Variants in CARM1 observed in about 807,000 individuals in gnomAD.
The protein encoded by CARM1 is histone-arginine methyltransferase CARM1.
A neutral mutation model predicts 72.7 loss-of-function variants in CARM1; 14 were observed. The observed-to-expected ratio is 0.19, with a 90% CI of 0.13 to 0.30. The LOEUF (loss-of-function observed/expected upper bound fraction) is 0.30. CARM1 is among the 10% of genes least tolerant of loss of function. The pLI, the probability that CARM1 is intolerant of heterozygous loss-of-function variation, is 1.00. For synonymous variants in CARM1, 333 were observed against 345.5 expected (o/e 0.96, Z 0.40); for missense variants, 432 against 833.7 (o/e 0.52, Z 5.93).
intron 4 of CARM1, among the ~76,000 whole-genome samples, chr19:10,911,366 C>T (rs149793536): frequency 6.6e-6 from 1 of 152,286 alleles, no homozygotes; most frequent in Non-Finnish European, 1.5e-5. Flanking sequence ...GTTGTCTTGA[C>T]ACAAGAGTGT....
At position 10,921,821 on chromosome 19, in the gene CARM1, C is replaced by T. The variant is rs185991937; in HGVS notation, c.*64C>T. On this transcript the variant is annotated 3_prime_UTR_variant, in exon 16 of 16. Coordinates refer to ENST00000327064, the MANE Select transcript of CARM1 (RefSeq NM_199141.2). Reference sequence around the variant, plus strand: ...TGATGTCCCTGCCCGCCGCCCCCGCCGGGCGGCTTTCCCCCTTGTACTGGA... The same window carrying T: ...TGATGTCCCTGCCCGCCGCCCCCGCTGGGCGGCTTTCCCCCTTGTACTGGA... 62 of 1,499,950 alleles carry T rather than the reference C, an allele frequency of 4.1e-5. No individual in the cohort carries two copies. The highest frequency in any genetic ancestry group is 2.4e-4 in the African/African-American group (17 of 71,778). 92.9% of individuals were successfully genotyped at this position (1,499,950 alleles called of 1,614,324 possible).
rs895108928 is a variant in CARM1, at chr19:10,916,076, C to T, written c.848-331C>T. On this transcript the variant is annotated intron_variant, in intron 6 of 15. Transcript: ENST00000327064. This position sits in a 1 kb window ranked among gnomAD's most constrained non-coding sequence, Gnocchi z 4.4. ...ACAGACGGCAGGGCCTGAGAGGCAG[C>T]GCCTGGCCACATCCCGGGCACTGCC... Among the ~76,000 whole-genome samples, 1 of 152,234 alleles carries T rather than the reference C, an allele frequency of 6.6e-6. No individual in the cohort carries two copies. Among genetic ancestry groups the T allele is most frequent in the Non-Finnish European group, 1.5e-5 (1 of 68,044 alleles).
Position 10,912,792 on chromosome 19 carries a change from G to A in CARM1, c.669+498G>A, listed in dbSNP as rs1009080612. 6.6e-6 allele frequency among the ~76,000 whole-genome samples: 1 copy of A among 152,060 alleles called. No homozygotes were observed. The highest frequency in any genetic ancestry group is 6.6e-5 in the Admixed American group (1 of 15,242). ...GCCATCTTTGTTCTGTCTTGCCGCC[G>A]CAGAGCACCCCTGTGCCCAGCCGTG... On this transcript the variant is annotated intron_variant, in intron 5 of 15. Transcript: ENST00000327064. The surrounding 1 kb of genome is among the most constrained non-coding windows in gnomAD (Gnocchi z 4.5).
chr19:10,904,375 G>A (rs1374765467), intron 1 of CARM1, among the ~76,000 whole-genome samples: 1 of 152,236 alleles, frequency 6.6e-6, no homozygotes. Flanking sequence ...CAGGTTTGTG[G>A]AATGAATGAC....
At chr19:10,906,675 G>C (rs10420665) in intron 2 of CARM1, among the ~76,000 whole-genome samples, 16 of 152,182 alleles carry the variant, frequency 1.1e-4, no homozygotes, top group African/African-American at 3.9e-4. Context: ...ATGTTGGCCA[G>C]GCTGGTCTTG....
At chr19:10,873,092 A>AGG (rs2073832812) in intron 1 of CARM1, among the ~76,000 whole-genome samples, 1 of 152,080 alleles carries the variant, frequency 6.6e-6, no homozygotes, top group Non-Finnish European at 1.5e-5. Flanking sequence ...TGAGAGGGGA[A>AGG]GGAGGGTATT....
chr19:10,871,583 A>AGCGGCAGCG lies in CARM1; in HGVS notation c.-114_-106dup, dbSNP rs1179442063. 1 of 76,394 alleles carries AGCGGCAGCG rather than the reference A, an allele frequency of 1.3e-5. No homozygotes were observed. Among genetic ancestry groups the AGCGGCAGCG allele is most frequent in the Non-Finnish European group, 2.5e-5 (1 of 39,460 alleles). The allele number at this position is 76,394 out of a possible 1,614,324, so 4.7% of individuals were successfully genotyped here. On this transcript the variant is annotated 5_prime_UTR_variant, in exon 1 of 16. Transcript: ENST00000327064. The surrounding 1 kb of genome is among the most constrained non-coding windows in gnomAD (Gnocchi z 5.6). Reference sequence around the variant, plus strand: ...CCTGCACGGCGGCTGCGGCGGCGGTAGCGGCAGCGGCGGCGGCGGCGGCGG... The same window carrying AGCGGCAGCG: ...CCTGCACGGCGGCTGCGGCGGCGGTAGCGGCAGCGGCGGCAGCGGCGGCGGCGGCGGCGG...
At chr19:10,883,126 G>C (rs978274776) in intron 1 of CARM1, among the ~76,000 whole-genome samples, 11 of 152,212 alleles carry the variant, frequency 7.2e-5, no homozygotes, top group Non-Finnish European at 1.3e-4. Flanking sequence ...ACACATGGGA[G>C]CCTCACCTTG....
At chr19:10,908,423 C>A in intron 3 of CARM1, 1 of 398,044 alleles carries the variant, frequency 2.5e-6, no homozygotes, top group Non-Finnish European at 4.7e-6. Flanking sequence ...AACGGTAGAG[C>A]AGTTACAATG....
At position 10,882,742 on chromosome 19, in the gene CARM1, A is replaced by T. The variant is rs1016019022; in HGVS notation, c.220+10820A>T. On this transcript the variant is annotated intron_variant, in intron 1 of 15. Transcript: ENST00000327064. ...TTTTTAGTAGAGACGGGGTTTCACC[A>T]TGTTAGCCAGGCTGGCCTCGAACTC... Among the ~76,000 whole-genome samples, 3 of 151,862 alleles carry T rather than the reference A, an allele frequency of 2.0e-5. No individual in the cohort carries two copies. In the East Asian group the frequency reaches 5.8e-4, roughly 29 times the overall value.
At chr19:10,910,195 G>A (rs925438920) in intron 4 of CARM1, among the ~76,000 whole-genome samples, 23 of 152,078 alleles carry the variant, frequency 1.5e-4, no homozygotes, top group Admixed American at 3.9e-4. Flanking sequence ...AGTAGAAATC[G>A]GCCAGGCACA....
In CARM1 at chr19:10,874,851, G is replaced by A. The variant is rs573012185; in HGVS notation, c.220+2929G>A. The stretch of plus-strand genomic sequence containing the variant: ...AGCTTGGCCAACATGGCAAAATCTC[G>A]TCTCTGCTAAAAATGCAAAAATTAG... On this transcript the variant is annotated intron_variant, in intron 1 of 15. Transcript: ENST00000327064. Among the ~76,000 whole-genome samples the A allele has an allele frequency of 1.7e-4, 26 of 152,158 alleles. No homozygotes were observed. The South Asian group carries it at 5.2e-3, about 30-fold the overall frequency.
At chr19:10,906,259 C>T (rs147880150) in intron 2 of CARM1, among the ~76,000 whole-genome samples, 143 of 152,078 alleles carry the variant, frequency 9.4e-4, no homozygotes, top group African/African-American at 3.4e-3. Context: ...CGGCCGTTCC[C>T]ACTCTTAAGA....
Position 10,871,604 on chromosome 19 carries a change from G to GGCGGCGGCGGCGGCGGCGGCGGCT in CARM1, c.-76_-75insTGCGGCGGCGGCGGCGGCGGCGGC, listed in dbSNP as rs1568342741. The GGCGGCGGCGGCGGCGGCGGCGGCT allele has an allele frequency of 3.6e-3, 397 of 110,542 alleles. 1 individual carries two copies. Among genetic ancestry groups the GGCGGCGGCGGCGGCGGCGGCGGCT allele is most frequent in the African/African-American group, 0.011 (349 of 30,420 alleles). 6.8% of individuals were successfully genotyped at this position (110,542 alleles called of 1,614,324 possible). ...CGGTAGCGGCAGCGGCGGCGGCGGCGGCGGCGGCGGCGGCGGCGGCGGCGG... is the reference window on the plus strand; with the variant it reads ...CGGTAGCGGCAGCGGCGGCGGCGGCGGCGGCGGCGGCGGCGGCGGCGGCTGCGGCGGCGGCGGCGGCGGCGGCGG... On this transcript the variant is annotated 5_prime_UTR_variant, in exon 1 of 16. Transcript: ENST00000327064. The surrounding 1 kb of genome is among the most constrained non-coding windows in gnomAD (Gnocchi z 5.6).
chr19:10,914,724 T>C (rs547062782), intron 6 of CARM1, among the ~76,000 whole-genome samples: 1 of 152,174 alleles, frequency 6.6e-6, no homozygotes, highest in South Asian at 2.1e-4. Flanking sequence ...CCCAGCTAAG[T>C]TTTGTATTTT....
chr19:10,888,724 A>C (rs1284932698), intron 1 of CARM1, among the ~76,000 whole-genome samples: 3 of 152,148 alleles, frequency 2.0e-5, no homozygotes, highest in Non-Finnish European at 4.4e-5. Context: ...CCCAGCTCAC[A>C]TCTGCTGTCT....
intron 1 of CARM1, among the ~76,000 whole-genome samples, chr19:10,900,344 A>AC (rs2074054773): frequency 6.6e-6 from 1 of 151,910 alleles, no homozygotes; most frequent in South Asian, 2.1e-4. Context: ...CCAAAAGGAG[A>AC]CCCCACATCC....
chr19:10,887,506 G>A (rs898076139), intron 1 of CARM1, among the ~76,000 whole-genome samples: 5 of 152,216 alleles, frequency 3.3e-5, no homozygotes, highest in Non-Finnish European at 1.5e-5. Flanking sequence ...CTCCTGGAGC[G>A]CCCTGGGACC....
At chr19:10,892,039 A>T (rs1327573050) in intron 1 of CARM1, among the ~76,000 whole-genome samples, 2 of 152,044 alleles carry the variant, frequency 1.3e-5, no homozygotes, top group African/African-American at 4.8e-5. Context: ...GCCCATCTGT[A>T]CACCTGTGGT....
Sources: allele counts gnomAD v4.1 joint callset (sites outside exome capture counted in the v4.1 genomes callset), GRCh38; gene constraint gnomAD v4.1.1; non-coding constraint Gnocchi (gnomAD v3.1); transcripts MANE v1.5; gene names NCBI Gene and HGNC (gene_info 2026-07-23, HGNC 2026-07-21).